STARD13: variants seen among roughly 807,000 people sequenced by gnomAD.
STARD13 encodes StAR related lipid transfer domain containing 13.
STARD13 carries 62 observed loss-of-function variants against 106.4 expected under a neutral mutation model. That is an observed-to-expected ratio of 0.58 (90% CI 0.48 to 0.72). STARD13 has a LOEUF of 0.72. Among genes scored for constraint, STARD13 ranks in the 30% least tolerant of loss-of-function variants. The pLI is 0.00. For synonymous variants in STARD13, 565 were observed against 553.0 expected (o/e 1.02, Z -0.31); for missense variants, 1,387 against 1,424.0 (o/e 0.97, Z 0.42).
chr13:33,487,712 T>C, the STARD13 span, among the ~76,000 whole-genome samples: 3 of 152,202 alleles, frequency 2.0e-5, no homozygotes, highest in Non-Finnish European at 4.4e-5. Context: ...TACACGAGAT[T>C]TTTCTCAATG....
intron 1 of STARD13, among the ~76,000 whole-genome samples, chr13:33,328,471 C>T (rs1225004210): frequency 6.6e-6 from 1 of 152,236 alleles, no homozygotes; most frequent in East Asian, 1.9e-4. Flanking sequence ...ATAGCAAGGA[C>T]TCCATCACTG....
chr13:33,273,597 G>A (rs1350580597), intron 1 of STARD13, among the ~76,000 whole-genome samples: 1 of 152,194 alleles, frequency 6.6e-6, no homozygotes, highest in African/African-American at 2.4e-5. Context: ...TTTGTAGGCA[G>A]TCTTTCATAG....
chr13:33,199,669 A>G (rs535620801), intron 1 of STARD13, among the ~76,000 whole-genome samples: 7 of 152,198 alleles, frequency 4.6e-5, no homozygotes, highest in Non-Finnish European at 1.0e-4. Flanking sequence ...CTGAGTTCCC[A>G]ATATTGTTGT....
chr13:33,504,168 T>G, the STARD13 span, among the ~76,000 whole-genome samples: 1 of 152,134 alleles, frequency 6.6e-6, no homozygotes, highest in African/African-American at 2.4e-5. Flanking sequence ...GACTGTAAAC[T>G]AGTTCAACCA....
chr13:33,418,367 G>C, the STARD13 span, among the ~76,000 whole-genome samples: 1 of 152,206 alleles, frequency 6.6e-6, no homozygotes, highest in Admixed American at 6.5e-5. Flanking sequence ...AACCTGCAAG[G>C]CTGCAGCTGG....
chr13:33,417,778 G>A, the STARD13 span, among the ~76,000 whole-genome samples: 6 of 152,250 alleles, frequency 3.9e-5, no homozygotes, highest in East Asian at 9.6e-4. Flanking sequence ...GACTGGGGGG[G>A]AAATGGCGAT....
At chr13:33,163,108 A>G (rs1207653184) in intron 3 of STARD13, among the ~76,000 whole-genome samples, 1 of 152,212 alleles carries the variant, frequency 6.6e-6, no homozygotes, top group East Asian at 1.9e-4. Context: ...ATGCAAAAGC[A>G]GAAAGATCTG....
the STARD13 span, among the ~76,000 whole-genome samples, chr13:33,499,502 C>CTTCT: frequency 7.1e-4 from 41 of 58,050 alleles, 1 homozygote; most frequent in Middle Eastern, 7.9e-3. Context: ...TCTCCTTCTT[C>CTTCT]TTCTTCTTCT....
At chr13:33,602,640 G>A in the STARD13 span, among the ~76,000 whole-genome samples, 2,245 of 152,266 alleles carry the variant, frequency 0.015, 20 homozygotes, top group Non-Finnish European at 0.023. Flanking sequence ...CCAAACCTGG[G>A]GCCATGGACC....
At chr13:33,417,326 A>G in the STARD13 span, among the ~76,000 whole-genome samples, 1 of 152,338 alleles carries the variant, frequency 6.6e-6, no homozygotes, top group South Asian at 2.1e-4. Flanking sequence ...TTCTCTTCAA[A>G]ATGTTAAACA....
chr13:33,338,115 C>T (rs1349192796), intron 1 of STARD13, among the ~76,000 whole-genome samples: 4 of 152,330 alleles, frequency 2.6e-5, no homozygotes, highest in Non-Finnish European at 5.9e-5. Context: ...TTATAAGTTG[C>T]TGGTATAAGT....
At chr13:33,110,545 C>A in intron 11 of STARD13, 141 bp downstream of exon 11, 1 of 702,782 alleles carries the variant, frequency 1.4e-6, no homozygotes, top group Non-Finnish European at 2.5e-6. Flanking sequence ...GGACTGAGTT[C>A]TTTGAATGGT....
chr13:33,553,398 G>A, the STARD13 span, among the ~76,000 whole-genome samples: 7 of 151,684 alleles, frequency 4.6e-5, no homozygotes, highest in Non-Finnish European at 8.8e-5. Flanking sequence ...TAAATTTTAT[G>A]TTAAATGACA....
chr13:33,189,161 G>A (rs1488294664), intron 1 of STARD13, among the ~76,000 whole-genome samples: 2 of 152,016 alleles, frequency 1.3e-5, no homozygotes, highest in Non-Finnish European at 1.5e-5. Context: ...CCATAAGGAA[G>A]AACTACAAAC....
chr13:33,349,211 A>G (rs1438012250), exon 2 of STARD13: 4 of 702,164 alleles, frequency 5.7e-6, no homozygotes, highest in African/African-American at 3.5e-5. Context: ...AGCTCAAGAG[A>G]TAGTCCTGGA....
At chr13:33,488,366 C>T in the STARD13 span, among the ~76,000 whole-genome samples, 7 of 152,300 alleles carry the variant, frequency 4.6e-5, no homozygotes, top group East Asian at 5.8e-4. Flanking sequence ...TTCATCAACT[C>T]TACCCTTCCG....
intron 1 of STARD13, among the ~76,000 whole-genome samples, chr13:33,212,664 CCTCCAA>C (rs925352080): frequency 6.6e-6 from 1 of 152,170 alleles, no homozygotes; most frequent in African/African-American, 2.4e-5. Flanking sequence ...ACTACATATG[CCTCCAA>C]CTCAATTTCA....
At chr13:33,450,651 T>G in the STARD13 span, among the ~76,000 whole-genome samples, 1 of 152,198 alleles carries the variant, frequency 6.6e-6, no homozygotes, top group Admixed American at 6.5e-5. Context: ...AACTTTTTTG[T>G]TTAGATATAC....
In STARD13 at chr13:33,129,873, C is replaced by T; in HGVS notation, c.804G>A (p.Gly268=). Residue 268 remains glycine (G), a synonymous_variant, in exon 5 of 14, where the codon GGG becomes GGA. Transcript: ENST00000336934. ...SFLKRMETLR[G]KGAHGRHKGS... is the part of the protein sequence containing the mutation. Reference sequence around the variant, plus strand: ...CCTTATGCCTCCCGTGGGCTCCCTTCCCTCGGAGTGTTTCCATGCGTTTCA... The same window carrying T: ...CCTTATGCCTCCCGTGGGCTCCCTTTCCTCGGAGTGTTTCCATGCGTTTCA... The T allele has an allele frequency of 6.2e-7, 1 of 1,613,042 alleles. No homozygotes were observed. The highest frequency in any genetic ancestry group is 2.2e-5 in the East Asian group (1 of 44,876).
Sources: gnomAD v4.1 joint callset for allele counts (sites outside exome capture counted in the v4.1 genomes callset) on GRCh38, gnomAD v4.1.1 for gene constraint, MANE v1.5 for transcripts, NCBI Gene and HGNC (gene_info 2026-07-23, HGNC 2026-07-21) for gene names.